Variants in NEK1 observed in about 807,000 individuals in gnomAD.
The protein encoded by NEK1 is serine/threonine-protein kinase Nek1.
Under a neutral mutation model 182.1 loss-of-function variants are expected in NEK1, and 137 were observed. That is an observed-to-expected ratio of 0.75 (90% CI 0.65 to 0.87). NEK1 has a LOEUF of 0.87. NEK1 is among the 40% of genes least tolerant of loss of function. The pLI, the probability that NEK1 is intolerant of heterozygous loss-of-function variation, is 0.00. For missense variants in NEK1, 1,391 were observed against 1,494.4 expected (o/e 0.93, Z 1.14); for synonymous variants, 513 against 492.2 (o/e 1.04, Z -0.56).
At chr4:169,600,868 A>G (rs1209898154) in intron 4 of NEK1, among the ~76,000 whole-genome samples, 1 of 152,180 alleles carries the variant, frequency 6.6e-6, no homozygotes, top group Non-Finnish European at 1.5e-5. Context: ...AAAATACGCT[A>G]CCCCTTTTGA....
chr4:169,527,040 G>C (rs1756990764), intron 19 of NEK1, among the ~76,000 whole-genome samples: 1 of 151,994 alleles, frequency 6.6e-6, no homozygotes, highest in African/African-American at 2.4e-5. Flanking sequence ...GAATACTAAA[G>C]ACAAAGAAAA....
rs568012861 is a variant in NEK1, at chr4:169,588,883, G to A, written c.465-148C>T. On this transcript the variant is annotated intron_variant, in intron 7 of 35. Transcript: ENST00000507142. ...AAAAATTCCTATCACCTAGTGACAC[G>A]GTGACTGACATACACTGTAGAGCAA... is the stretch of plus-strand genomic sequence containing the variant. The A allele has an allele frequency of 8.2e-5, 51 of 621,502 alleles. 1 individual carries two copies. Among genetic ancestry groups the A allele is most frequent in the East Asian group, 7.2e-4 (26 of 35,958 alleles). 38.5% of individuals were successfully genotyped at this position (621,502 alleles called of 1,614,324 possible).
intron 35 of NEK1, among the ~76,000 whole-genome samples, chr4:169,399,000 C>G (rs1006607738): frequency 3.3e-5 from 5 of 152,138 alleles, no homozygotes; most frequent in Non-Finnish European, 7.3e-5. Flanking sequence ...GTAATCCCAG[C>G]ACTTTGGGAG....
At position 169,507,096 on chromosome 4, in the gene NEK1, G is replaced by T. The variant is rs1753405258; in HGVS notation, c.1948C>A (p.Gln650Lys). 6.3e-7 allele frequency: 1 copy of T among 1,599,342 alleles called. No individual in the cohort carries two copies. The highest frequency in any genetic ancestry group is 8.5e-7 in the Non-Finnish European group (1 of 1,173,220). The change falls in exon 23 of 36, where the codon CAA becomes AAA. Residue 650 changes from glutamine (Q) to lysine (K), a missense_variant. Physicochemically the swap from Gln to Lys is moderately conservative, Grantham distance 53 (BLOSUM62 1). This residue lies in a region of NEK1 where 1,216 missense variants were observed against 1,277.6 expected (regional missense o/e 0.95). Coordinates refer to ENST00000507142, the MANE Select transcript of NEK1 (RefSeq NM_001199397.3). Reference sequence around the variant, plus strand: ...GCCTCCTTTCTCTTTCGTTCTAGTTGTTCTTTTAGTACAGCAGCACGTGCA... The same window carrying T: ...GCCTCCTTTCTCTTTCGTTCTAGTTTTTCTTTTAGTACAGCAGCACGTGCA... ...ANARAAVLKEQLERKRKEAYE... is the reference protein window; with the variant it reads ...ANARAAVLKEKLERKRKEAYE...
At chr4:169,419,594 G>C (rs781339872) in intron 31 of NEK1, among the ~76,000 whole-genome samples, 1 of 152,138 alleles carries the variant, frequency 6.6e-6, no homozygotes, top group South Asian at 2.1e-4. Context: ...ACAATACCAC[G>C]AAGGACAGGC....
chr4:169,393,850 T>G lies in NEK1; in HGVS notation c.*660A>C, dbSNP rs1381928759. The G allele has an allele frequency of 6.6e-6, 1 of 152,182 alleles. No individual in the cohort carries two copies. The highest frequency in any genetic ancestry group is 1.5e-5 in the Non-Finnish European group (1 of 68,024). The allele number at this position is 152,182 out of a possible 1,614,324, so 9.4% of individuals were successfully genotyped here. Reference sequence around the variant, plus strand: ...AGAGAAATAAAGGCATTAAACCAACTTTTTATATGTCAAGAAATATAATTT... The same window carrying G: ...AGAGAAATAAAGGCATTAAACCAACGTTTTATATGTCAAGAAATATAATTT... On this transcript the variant is annotated 3_prime_UTR_variant, in exon 36 of 36. Transcript: ENST00000507142.
At chr4:169,521,895 TTATC>T (rs1241375266) in intron 19 of NEK1, among the ~76,000 whole-genome samples, 5 of 152,190 alleles carry the variant, frequency 3.3e-5, no homozygotes, top group African/African-American at 1.2e-4. Context: ...GGATTCGAGT[TTATC>T]TTATTGTAGG....
intron 22 of NEK1, among the ~76,000 whole-genome samples, chr4:169,507,405 T>C (rs1254643894): frequency 6.6e-6 from 1 of 152,102 alleles, no homozygotes; most frequent in Non-Finnish European, 1.5e-5. Context: ...AAACAATTAT[T>C]ATACACAGAC....
chr4:169,579,680 T>C (rs1222678827), intron 11 of NEK1, among the ~76,000 whole-genome samples: 1 of 151,930 alleles, frequency 6.6e-6, no homozygotes, highest in Non-Finnish European at 1.5e-5. Flanking sequence ...TCCCAGCTAC[T>C]TGGGAGGCCG....
chr4:169,441,183 A>G (rs1366331392), intron 27 of NEK1, among the ~76,000 whole-genome samples: 1 of 152,184 alleles, frequency 6.6e-6, no homozygotes, highest in East Asian at 1.9e-4. Flanking sequence ...AGAGCCTGGG[A>G]GCTGCCTTCC....
At chr4:169,561,368 A>C (rs1403003739) in intron 16 of NEK1, 112 bp downstream of exon 16, 2 of 889,020 alleles carry the variant, frequency 2.2e-6, no homozygotes, top group African/African-American at 3.4e-5. Flanking sequence ...CTAGGTAAAA[A>C]TTAATTGTAC....
At chr4:169,433,900 G>A (rs1737893573) in intron 28 of NEK1, among the ~76,000 whole-genome samples, 2 of 152,048 alleles carry the variant, frequency 1.3e-5, no homozygotes, top group Admixed American at 1.3e-4. Context: ...ATGCTCAAAG[G>A]TAATATGGTA....
rs1762999253 is a variant in NEK1, at chr4:169,562,017, G to A, written c.1080+120C>T. On this transcript the variant is annotated intron_variant, in intron 13 of 35. Coordinates refer to ENST00000507142, the MANE Select transcript of NEK1 (RefSeq NM_001199397.3). Reference sequence around the variant, plus strand: ...GTTTTTTTTTTAAAAAAAAAAAGAAGTTATAGGTATTCGTTTGAAAGAAAT... The same window carrying A: ...GTTTTTTTTTTAAAAAAAAAAAGAAATTATAGGTATTCGTTTGAAAGAAAT... The A allele has an allele frequency of 2.4e-5, 26 of 1,066,722 alleles. No individual in the cohort carries two copies. The South Asian group carries it at 4.0e-4, about 16-fold the overall frequency. The allele number at this position is 1,066,722 out of a possible 1,614,324, so 66.1% of individuals were successfully genotyped here. A position where few individuals can be genotyped will look rare whatever the true frequency, so the allele number is the denominator to read the frequency against.
intron 31 of NEK1, among the ~76,000 whole-genome samples, chr4:169,411,238 AG>A (rs1440420401): frequency 6.6e-6 from 1 of 152,146 alleles, no homozygotes; most frequent in Non-Finnish European, 1.5e-5. Flanking sequence ...ATTTTCCAGT[AG>A]AGCTTTATCA....
Position 169,418,647 on chromosome 4 carries a change from A to T in NEK1, c.3222+5906T>A, listed in dbSNP as rs141044175. ...GGATTAATAGTATATTATTGCAGAA[A>T]AAAGATAAGTAAACATGAATACATA... On this transcript the variant is annotated intron_variant, in intron 31 of 35. Coordinates refer to ENST00000507142, the MANE Select transcript of NEK1 (RefSeq NM_001199397.3). 2.2e-3 allele frequency among the ~76,000 whole-genome samples: 330 copies of T among 152,308 alleles called. 4 individuals carry two copies. Among genetic ancestry groups the T allele is most frequent in the African/African-American group, 7.7e-3 (322 of 41,578 alleles).
At chr4:169,545,026 A>G (rs1760147053) in intron 18 of NEK1, among the ~76,000 whole-genome samples, 1 of 147,832 alleles carries the variant, frequency 6.8e-6, no homozygotes, top group South Asian at 2.1e-4. Flanking sequence ...CTAGCTTTTG[A>G]ATTTGTTTGC....
At chr4:169,408,531 G>A (rs925678321) in intron 31 of NEK1, among the ~76,000 whole-genome samples, 1 of 151,884 alleles carries the variant, frequency 6.6e-6, no homozygotes, top group South Asian at 2.1e-4. Context: ...ACATGGATAC[G>A]TTCTTCAGTG....
At position 169,537,360 on chromosome 4, in the gene NEK1, C is replaced by A. The variant is rs571816696; in HGVS notation, c.1665+449G>T. ...TTACTAAAATTCTACTTCTAATTTG[C>A]TTTTGAGCAAATGCATAGTTTACAT... On this transcript the variant is annotated intron_variant, in intron 19 of 35. Transcript: ENST00000507142. 2.6e-4 allele frequency among the ~76,000 whole-genome samples: 39 copies of A among 152,240 alleles called. No individual in the cohort carries two copies. In the South Asian group the frequency reaches 8.1e-3, roughly 32 times the overall value.
intron 31 of NEK1, among the ~76,000 whole-genome samples, chr4:169,411,623 GCCA>G (rs1733695961): frequency 3.3e-5 from 5 of 152,162 alleles, no homozygotes; most frequent in African/African-American, 1.2e-4. Context: ...ACTGCACACC[GCCA>G]TGACTGACTT....
Sources: allele counts gnomAD v4.1 joint callset (sites outside exome capture counted in the v4.1 genomes callset), GRCh38; gene constraint gnomAD v4.1.1; regional missense constraint gnomAD v4.1.1; transcripts MANE v1.5; gene names NCBI Gene and HGNC (gene_info 2026-07-23, HGNC 2026-07-21).